The following WDR49 variants were observed in gnomAD, a reference collection of about 807,000 sequenced individuals.
WDR49 encodes cilia- and flagella-associated protein 337.
In WDR49, 107 loss-of-function variants were observed where a neutral mutation model predicts 119.5. That is an observed-to-expected ratio of 0.90 (90% CI 0.77 to 1.05). WDR49 has a LOEUF of 1.05. Ranked by LOEUF, WDR49 falls within the 50% of genes least tolerant of loss-of-function variation. The probability of loss-of-function intolerance (pLI) is 0.00; values close to 1 mark genes in which losing one functional copy is unlikely to be tolerated. For missense variants in WDR49, 1,240 were observed against 1,220.5 expected (o/e 1.02, Z -0.24); for synonymous variants, 425 against 418.8 (o/e 1.01, Z -0.18).
chr3:167,612,887 AG>A (rs1716408672), intron 5 of WDR49, among the ~76,000 whole-genome samples: 1 of 152,226 alleles, frequency 6.6e-6, no homozygotes, highest in South Asian at 2.1e-4. Flanking sequence ...GTGGAATGAT[AG>A]TTACCAAAGG....
At chr3:167,555,983 T>C (rs1421668396) in intron 9 of WDR49, among the ~76,000 whole-genome samples, 2 of 152,150 alleles carry the variant, frequency 1.3e-5, no homozygotes, top group Non-Finnish European at 2.9e-5. Flanking sequence ...TGTCAACAAC[T>C]GTAACACAAT....
intron 3 of WDR49, among the ~76,000 whole-genome samples, chr3:167,623,017 G>A (rs1716942633): frequency 6.6e-6 from 1 of 151,910 alleles, no homozygotes; most frequent in Admixed American, 6.6e-5. Flanking sequence ...ACAGAACTAT[G>A]ACAAATGAAA....
Position 167,609,184 on chromosome 3 carries a change from C to T in WDR49, c.959-4716G>A, listed in dbSNP as rs141037710. Among the ~76,000 whole-genome samples the T allele has an allele frequency of 7.9e-5, 12 of 151,748 alleles. No homozygotes were observed. The East Asian group carries it at 2.3e-3, about 29-fold the overall frequency. ...CTCCCCTCTACCCCTGCAAGGACAC[C>T]AAGTTAACAATCTACACAGAAAAAA... On this transcript the variant is annotated intron_variant, in intron 5 of 18. Transcript: ENST00000682715.
chr3:167,536,984 G>T lies in WDR49; in HGVS notation c.1840C>A (p.Arg614=). ...AAAAATTGATTGAAGTTTTGGGGTC[G>T]AAACACAGTAATAGCCCTAGCAAAA... ...KTIGRAITVF[R]PQNFNQFFIQ... The change falls in exon 11 of 19, where the codon CGA becomes AGA. Residue 614 remains arginine, a synonymous_variant. Coordinates refer to ENST00000682715, the MANE Select transcript of WDR49 (RefSeq NM_001366157.1). 6.3e-7 allele frequency: 1 copy of T among 1,585,826 alleles called. No individual in the cohort carries two copies. Among genetic ancestry groups the T allele is most frequent in the Non-Finnish European group, 8.6e-7 (1 of 1,166,328 alleles).
intron 10 of WDR49, among the ~76,000 whole-genome samples, chr3:167,543,722 A>G (rs1485740970): frequency 6.6e-6 from 1 of 152,044 alleles, no homozygotes; most frequent in Non-Finnish European, 1.5e-5. Context: ...TAACCCTGAG[A>G]ATTGAAACAA....
At chr3:167,497,323 GGGAA>G (rs1751391634) in intron 18 of WDR49, among the ~76,000 whole-genome samples, 1 of 151,900 alleles carries the variant, frequency 6.6e-6, no homozygotes, top group South Asian at 2.1e-4. Flanking sequence ...TTTCAAAACA[GGGAA>G]GTAAAGGAAG....
rs1204823552 is a variant in WDR49 at position 167,495,338 on chromosome 3, A to T, written c.3031+4815T>A. Among the ~76,000 whole-genome samples, 50 of 151,800 alleles carry T rather than the reference A, an allele frequency of 3.3e-4. 1 individual carries two copies. The highest frequency in any genetic ancestry group is 3.4e-3 in the Middle Eastern group (1 of 294). On this transcript the variant is annotated intron_variant, in intron 18 of 18. Coordinates refer to ENST00000682715, the MANE Select transcript of WDR49 (RefSeq NM_001366157.1). ...AAAAGAGATTCAAGTGGCATTCTAA[A>T]ACTGAAAGTATATAAATATGTGTGT...
rs150198684 is a variant in WDR49, at chr3:167,534,461, C to T, written c.1955-1484G>A. Among the ~76,000 whole-genome samples, 1,018 of 152,252 alleles carry T rather than the reference C, an allele frequency of 6.7e-3. 14 individuals carry two copies. Among genetic ancestry groups the T allele is most frequent in the African/African-American group, 0.023 (969 of 41,556 alleles). On this transcript the variant is annotated intron_variant, in intron 11 of 18. Transcript: ENST00000682715. ...CCATCACATTTCAGGATGTGATCCT[C>T]CCTGCAGGGGTGGCCTTCCAGTGGC... is the stretch of plus-strand genomic sequence containing the variant.
chr3:167,554,877 G>T, intron 9 of WDR49, 79 bp from the exon 10 acceptor site: 1 of 1,035,476 alleles, frequency 9.7e-7, no homozygotes, highest in Non-Finnish European at 1.4e-6. Flanking sequence ...ATTCATTTAG[G>T]ATATGTAATC....
At chr3:167,574,048 T>A (rs564740651) in intron 8 of WDR49, among the ~76,000 whole-genome samples, 4 of 152,316 alleles carry the variant, frequency 2.6e-5, no homozygotes, top group Middle Eastern at 3.4e-3. Flanking sequence ...TAAAAAGCAC[T>A]TCGGTTTTTA....
intron 3 of WDR49, among the ~76,000 whole-genome samples, chr3:167,623,363 G>T (rs1423079248): frequency 1.3e-5 from 2 of 152,016 alleles, no homozygotes; most frequent in Non-Finnish European, 2.9e-5. Flanking sequence ...ATTTATCCCA[G>T]GAATGCAAGG....
chr3:167,484,707 GT>G (rs1177970353), intron 18 of WDR49, among the ~76,000 whole-genome samples: 4 of 143,200 alleles, frequency 2.8e-5, no homozygotes, highest in African/African-American at 1.0e-4. Context: ...AAAAAAAAAA[GT>G]GATGTGTTCT....
Position 167,580,498 on chromosome 3 carries a change from T to C in WDR49, c.1276-4347A>G, listed in dbSNP as rs560516758. The stretch of plus-strand genomic sequence containing the variant: ...AGGATGGGGCTCAGACATTAGTTTT[T>C]TATTCCCAGGCATTTCCTTTGCATT... On this transcript the variant is annotated intron_variant, in intron 7 of 18. Transcript: ENST00000682715. Among the ~76,000 whole-genome samples the C allele has an allele frequency of 7.9e-5, 12 of 152,342 alleles. No individual in the cohort carries two copies. In the East Asian group the frequency reaches 2.1e-3, roughly 27 times the overall value.
chr3:167,618,653 C>T (rs1482897128), intron 5 of WDR49, among the ~76,000 whole-genome samples: 1 of 152,144 alleles, frequency 6.6e-6, no homozygotes, highest in Non-Finnish European at 1.5e-5. Flanking sequence ...TAAAACTTCT[C>T]TGTAGCCAAT....
At chr3:167,538,214 T>C (rs1361450652) in intron 10 of WDR49, among the ~76,000 whole-genome samples, 1 of 152,060 alleles carries the variant, frequency 6.6e-6, no homozygotes, top group Non-Finnish European at 1.5e-5. Flanking sequence ...TAGTTTCCAT[T>C]TGCCAGTTGA....
chr3:167,637,088 T>C (rs1717654383), intron 2 of WDR49, among the ~76,000 whole-genome samples: 1 of 151,828 alleles, frequency 6.6e-6, no homozygotes, highest in Non-Finnish European at 1.5e-5. Context: ...CTAGAATGGT[T>C]TTTCCAATGT....
intron 2 of WDR49, among the ~76,000 whole-genome samples, chr3:167,630,600 G>A (rs1193292848): frequency 6.6e-6 from 1 of 152,054 alleles, no homozygotes; most frequent in Non-Finnish European, 1.5e-5. Flanking sequence ...TTTAATCAAA[G>A]GGCAATAATT....
At chr3:167,627,556 T>C (rs554769569) in intron 2 of WDR49, among the ~76,000 whole-genome samples, 2 of 152,080 alleles carry the variant, frequency 1.3e-5, no homozygotes, top group South Asian at 4.1e-4. Flanking sequence ...CAGGAGAATA[T>C]GTGATGATAG....
intron 2 of WDR49, among the ~76,000 whole-genome samples, chr3:167,640,433 A>C (rs1294105253): frequency 6.6e-6 from 1 of 151,884 alleles, no homozygotes; most frequent in African/African-American, 2.4e-5. Context: ...ATGTTCTCAC[A>C]TTGTCTCAAT....
Sources: gnomAD v4.1 joint callset for allele counts (sites outside exome capture counted in the v4.1 genomes callset) on GRCh38, gnomAD v4.1.1 for gene constraint, MANE v1.5 for transcripts, NCBI Gene and HGNC (gene_info 2026-07-23, HGNC 2026-07-21) for gene names.